KIAA1328: variants seen among roughly 807,000 people sequenced by gnomAD.
KIAA1328 encodes KIAA1328.
A neutral mutation model predicts 68.1 loss-of-function variants in KIAA1328; 52 were observed. That is an observed-to-expected ratio of 0.76 (90% CI 0.61 to 0.96). The LOEUF (loss-of-function observed/expected upper bound fraction) is 0.96, where lower values mean the gene tolerates loss of function less well. Among genes scored for constraint, KIAA1328 ranks in the 40% least tolerant of loss-of-function variants. KIAA1328 has a pLI of 0.00. For missense variants in KIAA1328, 641 were observed against 677.6 expected (o/e 0.95, Z 0.60); for synonymous variants, 232 against 239.4 (o/e 0.97, Z 0.28).
chr18:36,962,462 C>T (rs755388308), intron 6 of KIAA1328, among the ~76,000 whole-genome samples: 14 of 152,278 alleles, frequency 9.2e-5, no homozygotes, highest in South Asian at 2.1e-4. Context: ...AGCTCTGCAC[C>T]AGGCGGACCT....
At chr18:36,916,556 G>T (rs1046682507) in intron 5 of KIAA1328, among the ~76,000 whole-genome samples, 4 of 151,850 alleles carry the variant, frequency 2.6e-5, no homozygotes, top group African/African-American at 9.7e-5. Flanking sequence ...TTTTGTTGTT[G>T]TTTTTTATTT....
chr18:37,163,849 T>A (rs1192300472), intron 8 of KIAA1328, among the ~76,000 whole-genome samples: 2 of 152,220 alleles, frequency 1.3e-5, no homozygotes, highest in Non-Finnish European at 2.9e-5. Context: ...TACTTCTGAT[T>A]CCCAGAAATC....
intron 7 of KIAA1328, among the ~76,000 whole-genome samples, chr18:37,150,041 T>C (rs1024365315): frequency 2.6e-5 from 4 of 152,164 alleles, no homozygotes; most frequent in Non-Finnish European, 5.9e-5. Context: ...GTCAATAATA[T>C]ACCAAGATTG....
At chr18:36,878,631 C>T (rs2048223908) in intron 4 of KIAA1328, among the ~76,000 whole-genome samples, 1 of 152,152 alleles carries the variant, frequency 6.6e-6, no homozygotes, top group Non-Finnish European at 1.5e-5. Flanking sequence ...TCCATTCCCC[C>T]CATCACTTTC....
chr18:37,047,569 C>T (rs1043795963), intron 6 of KIAA1328, among the ~76,000 whole-genome samples: 7 of 152,282 alleles, frequency 4.6e-5, no homozygotes, highest in Middle Eastern at 3.4e-3. Flanking sequence ...ATTTTCCACT[C>T]TGCCAGAAAT....
intron 7 of KIAA1328, among the ~76,000 whole-genome samples, chr18:37,148,422 G>T (rs2154209401): frequency 6.6e-6 from 1 of 152,182 alleles, no homozygotes; most frequent in Admixed American, 6.5e-5. Context: ...ATTGCGAATA[G>T]TGCCTCAGTG....
intron 7 of KIAA1328, among the ~76,000 whole-genome samples, chr18:37,156,189 C>T (rs1490808885): frequency 6.6e-6 from 1 of 151,960 alleles, no homozygotes; most frequent in East Asian, 1.9e-4. Flanking sequence ...GGCAGATCAC[C>T]TGAGGTCGGG....
chr18:37,155,948 TTGAG>T (rs1476911724), intron 7 of KIAA1328, among the ~76,000 whole-genome samples: 2 of 152,140 alleles, frequency 1.3e-5, no homozygotes, highest in African/African-American at 4.8e-5. Flanking sequence ...AAGGTTAAGT[TTGAG>T]TATTTCAGGA....
intron 9 of KIAA1328, among the ~76,000 whole-genome samples, chr18:37,218,075 G>T (rs1033854804): frequency 2.0e-5 from 3 of 152,194 alleles, no homozygotes; most frequent in Non-Finnish European, 4.4e-5. Flanking sequence ...GGACTTAAAT[G>T]CAATAACTCT....
chr18:37,101,222 C>G (rs532343549), intron 7 of KIAA1328, among the ~76,000 whole-genome samples: 4 of 152,094 alleles, frequency 2.6e-5, no homozygotes, highest in African/African-American at 9.6e-5. Flanking sequence ...CTACTCTGAG[C>G]TAAAGGAGGA....
chr18:36,954,849 C>G (rs1199338311), intron 5 of KIAA1328, among the ~76,000 whole-genome samples: 1 of 151,984 alleles, frequency 6.6e-6, no homozygotes, highest in Non-Finnish European at 1.5e-5. Context: ...CGCCCACCAC[C>G]ATGCCTGGCT....
chr18:36,998,750 C>T (rs2053486128), intron 6 of KIAA1328, among the ~76,000 whole-genome samples: 2 of 152,144 alleles, frequency 1.3e-5, no homozygotes, highest in South Asian at 2.1e-4. Context: ...CTCTACCCAA[C>T]CAGCATCATA....
intron 5 of KIAA1328, among the ~76,000 whole-genome samples, chr18:36,899,954 C>T (rs1009508385): frequency 6.6e-6 from 1 of 151,806 alleles, no homozygotes; most frequent in Non-Finnish European, 1.5e-5. Flanking sequence ...AATGCTTGTT[C>T]TTAAAAATTA....
intron 7 of KIAA1328, among the ~76,000 whole-genome samples, chr18:37,069,614 G>A (rs2056460717): frequency 6.6e-6 from 1 of 152,082 alleles, no homozygotes. Flanking sequence ...TAAATGTTTA[G>A]TAGAATTCTC....
At chr18:36,904,078 GCTTT>G (rs1359076278) in intron 5 of KIAA1328, among the ~76,000 whole-genome samples, 2 of 152,026 alleles carry the variant, frequency 1.3e-5, no homozygotes, top group Non-Finnish European at 2.9e-5. Context: ...TTTTGCTTTT[GCTTT>G]CTTTTCTAAG....
chr18:37,177,397 C>T (rs1352466401), intron 9 of KIAA1328, among the ~76,000 whole-genome samples: 1 of 152,178 alleles, frequency 6.6e-6, no homozygotes, highest in African/African-American at 2.4e-5. Flanking sequence ...ATTAGATTCT[C>T]AGTCCCTGAA....
intron 5 of KIAA1328, 34 bp from the exon 6 acceptor site, chr18:36,959,274 T>C: frequency 6.5e-7 from 1 of 1,532,422 alleles, no homozygotes; most frequent in South Asian, 1.3e-5. Flanking sequence ...TTGAATCAAT[T>C]TTTCAGTTTT....
intron 7 of KIAA1328, among the ~76,000 whole-genome samples, chr18:37,078,016 G>A (rs181918293): frequency 1.3e-4 from 20 of 152,232 alleles, no homozygotes; most frequent in African/African-American, 4.1e-4. Flanking sequence ...AGCCCACATT[G>A]CCAAGTCAGT....
At chr18:37,129,478 TAGTA>T (rs1456765262) in intron 7 of KIAA1328, among the ~76,000 whole-genome samples, 1 of 152,186 alleles carries the variant, frequency 6.6e-6, no homozygotes, top group Non-Finnish European at 1.5e-5. Context: ...AATTAATATT[TAGTA>T]AGTCCAATGA....
Sources: gnomAD v4.1 joint callset for allele counts (sites outside exome capture counted in the v4.1 genomes callset) on GRCh38, gnomAD v4.1.1 for gene constraint, MANE v1.5 for transcripts, NCBI Gene and HGNC (gene_info 2026-07-23, HGNC 2026-07-21) for gene names.